RBFOX1: variants seen among roughly 807,000 people sequenced by gnomAD.
The protein encoded by RBFOX1 is RNA binding protein fox-1 homolog 1.
In RBFOX1, 8 loss-of-function variants were observed where a neutral mutation model predicts 57.7. The ratio of observed to expected loss-of-function variants is 0.14; its 90% CI spans 0.08 to 0.25. The LOEUF (loss-of-function observed/expected upper bound fraction) is 0.25. RBFOX1 is among the 10% of genes least tolerant of loss of function. The pLI is 1.00. For missense variants in RBFOX1, 611 were observed against 548.5 expected (o/e 1.11, Z -1.14); for synonymous variants, 326 against 222.4 (o/e 1.47, Z -4.15).
chr16:6,213,106 C>G (rs996530132), intron 1 of RBFOX1, among the ~76,000 whole-genome samples: 3 of 152,158 alleles, frequency 2.0e-5, no homozygotes, highest in Admixed American at 6.5e-5. Context: ...GAACTAAAAC[C>G]TTCAAAATGG....
chr16:7,094,773 T>G (rs1349718094), intron 4 of RBFOX1, among the ~76,000 whole-genome samples: 2 of 140,920 alleles, frequency 1.4e-5, no homozygotes, highest in African/African-American at 2.5e-5. Context: ...TGTGTGTGTG[T>G]GTGGGTGTGT....
At chr16:7,367,090 T>C (rs2097466249) in intron 4 of RBFOX1, among the ~76,000 whole-genome samples, 1 of 151,844 alleles carries the variant, frequency 6.6e-6, no homozygotes. Context: ...GACAATATGG[T>C]GTCAGTGAAT....
chr16:6,252,954 A>G (rs1372616062), intron 1 of RBFOX1, among the ~76,000 whole-genome samples: 1 of 152,172 alleles, frequency 6.6e-6, no homozygotes, highest in South Asian at 2.1e-4. Flanking sequence ...AATATGCTAG[A>G]CTACTTAGTG....
chr16:5,749,828 A>G (rs926581466), intron 3 of RBFOX1, among the ~76,000 whole-genome samples: 4 of 152,166 alleles, frequency 2.6e-5, no homozygotes, highest in African/African-American at 9.7e-5. Flanking sequence ...CCGTTAGTTC[A>G]GAGAAGTTTG....
chr16:7,235,122 C>A (rs1270411313), intron 4 of RBFOX1, among the ~76,000 whole-genome samples: 2 of 152,196 alleles, frequency 1.3e-5, no homozygotes, highest in African/African-American at 4.8e-5. Context: ...GTATATAAAT[C>A]TACACATCGG....
At chr16:7,698,696 G>A (rs1004241359) in intron 14 of RBFOX1, among the ~76,000 whole-genome samples, 1 of 152,104 alleles carries the variant, frequency 6.6e-6, no homozygotes, top group African/African-American at 2.4e-5. Context: ...GCAGTAAATT[G>A]ATTTGTGGCT....
At chr16:5,930,152 G>T (rs2152245061) in intron 4 of RBFOX1, among the ~76,000 whole-genome samples, 1 of 151,246 alleles carries the variant, frequency 6.6e-6, no homozygotes, top group Non-Finnish European at 1.5e-5. Flanking sequence ...TGTTAATGTT[G>T]GGATTATAAG....
At chr16:6,912,788 ATTTTT>A (rs113434905) in intron 3 of RBFOX1, among the ~76,000 whole-genome samples, 1 of 148,148 alleles carries the variant, frequency 6.8e-6, no homozygotes, top group African/African-American at 2.5e-5. Context: ...TGCCCGCCTA[ATTTTT>A]TTTTTTAAGA....
chr16:5,983,339 C>G (rs578159896), intron 4 of RBFOX1, among the ~76,000 whole-genome samples: 121 of 152,172 alleles, frequency 8.0e-4, no homozygotes, highest in Non-Finnish European at 9.1e-4. Flanking sequence ...CCTGACAGCT[C>G]CTGCACATCC....
chr16:5,654,817 C>G (rs1274663416), intron 3 of RBFOX1, among the ~76,000 whole-genome samples: 1 of 152,100 alleles, frequency 6.6e-6, no homozygotes, highest in Non-Finnish European at 1.5e-5. Context: ...GTCCCTCGCT[C>G]TCTCCCCACT....
At chr16:6,820,571 A>AT (rs1269900599) in intron 3 of RBFOX1, among the ~76,000 whole-genome samples, 2 of 152,062 alleles carry the variant, frequency 1.3e-5, no homozygotes, top group Non-Finnish European at 2.9e-5. Flanking sequence ...AGGCAGGAAG[A>AT]TTTTTTGAGC....
chr16:7,509,609 A>C (rs1296209857), intron 4 of RBFOX1, among the ~76,000 whole-genome samples: 1 of 152,182 alleles, frequency 6.6e-6, no homozygotes, highest in African/African-American at 2.4e-5. Flanking sequence ...TGGATTTCAA[A>C]ATCTTCCAAG....
chr16:6,674,567 C>G (rs2098788923), intron 3 of RBFOX1, among the ~76,000 whole-genome samples: 1 of 152,128 alleles, frequency 6.6e-6, no homozygotes, highest in Non-Finnish European at 1.5e-5. Flanking sequence ...AGTGATCCAC[C>G]CACCTCAGCC....
At chr16:6,419,022 C>T (rs1179074823) in intron 2 of RBFOX1, among the ~76,000 whole-genome samples, 1 of 152,196 alleles carries the variant, frequency 6.6e-6, no homozygotes, top group African/African-American at 2.4e-5. Context: ...GCAGACTTTT[C>T]ACTGTGGCCG....
intron 2 of RBFOX1, among the ~76,000 whole-genome samples, chr16:6,602,507 C>T (rs1007609767): frequency 2.6e-5 from 4 of 152,262 alleles, no homozygotes; most frequent in East Asian, 3.9e-4. Context: ...GAATCCCCAA[C>T]AGCTGACCTC....
intron 4 of RBFOX1, among the ~76,000 whole-genome samples, chr16:7,073,530 A>C (rs1183209585): frequency 2.6e-5 from 4 of 152,154 alleles, no homozygotes; most frequent in Non-Finnish European, 4.4e-5. Context: ...TGAAATGTCC[A>C]ATGGTAAATG....
intron 1 of RBFOX1, among the ~76,000 whole-genome samples, chr16:6,045,144 A>G (rs1353264588): frequency 3.3e-5 from 5 of 151,978 alleles, no homozygotes; most frequent in African/African-American, 1.2e-4. Flanking sequence ...ATCACCCAAG[A>G]CTCTTGTTAA....
At chr16:5,441,634 G>C (rs2068087313) in intron 1 of RBFOX1, among the ~76,000 whole-genome samples, 1 of 152,076 alleles carries the variant, frequency 6.6e-6, no homozygotes, top group Non-Finnish European at 1.5e-5. Flanking sequence ...CAAAGTGCTG[G>C]GATTATGGGT....
chr16:7,091,064 C>T (rs1478496487), intron 4 of RBFOX1, among the ~76,000 whole-genome samples: 1 of 152,170 alleles, frequency 6.6e-6, no homozygotes, highest in Non-Finnish European at 1.5e-5. Flanking sequence ...AGTCTTGGAC[C>T]AAATGGTCCC....
Sources: gnomAD v4.1 joint callset for allele counts (sites outside exome capture counted in the v4.1 genomes callset) on GRCh38, gnomAD v4.1.1 for gene constraint, MANE v1.5 for transcripts, NCBI Gene and HGNC (gene_info 2026-07-23, HGNC 2026-07-21) for gene names.